The following TMCO4 variants were observed in gnomAD, a reference collection of about 807,000 sequenced individuals.
TMCO4 encodes transmembrane and coiled-coil domain-containing protein 4.
Under a neutral mutation model 64.7 loss-of-function variants are expected in TMCO4, and 58 were observed. That is an observed-to-expected ratio of 0.90 (90% CI 0.73 to 1.12). The LOEUF is 1.12. Ranked by LOEUF, TMCO4 falls within the 50% of genes most tolerant of loss-of-function variation. The pLI is 0.00. For synonymous variants in TMCO4, 325 were observed against 346.1 expected, an observed-to-expected ratio of 0.94 and a Z score of 0.68; for missense variants, 780 against 825.9, an observed-to-expected ratio of 0.94 and a Z score of 0.68.
chr1:19,716,380 T>TC (rs2095356366), intron 13 of TMCO4, among the ~76,000 whole-genome samples: 1 of 137,920 alleles, frequency 7.3e-6, no homozygotes, highest in Non-Finnish European at 1.5e-5. Context: ...CTTTTTTCTT[T>TC]CTTTTTTTTT....
intron 13 of TMCO4, among the ~76,000 whole-genome samples, chr1:19,718,665 A>AG (rs2095367836): frequency 2.1e-5 from 3 of 146,308 alleles, no homozygotes; most frequent in Middle Eastern, 3.4e-3. Flanking sequence ...AAAAAAAAAA[A>AG]AGAGAGAGAG....
chr1:19,691,224 A>G (rs1284233338), intron 15 of TMCO4, among the ~76,000 whole-genome samples: 1 of 152,142 alleles, frequency 6.6e-6, no homozygotes, highest in Non-Finnish European at 1.5e-5. Context: ...GAGCCTAGAA[A>G]TGACTCTTAT....
At chr1:19,737,479 T>G in intron 12 of TMCO4, 23 bp from the exon 13 acceptor site, 1 of 1,612,034 alleles carries the variant, frequency 6.2e-7, no homozygotes, top group Non-Finnish European at 8.5e-7. Flanking sequence ...AGGACACAGG[T>G]GTCTGGAAGG....
intron 13 of TMCO4, among the ~76,000 whole-genome samples, chr1:19,712,188 A>C (rs1004294245): frequency 1.3e-5 from 2 of 152,220 alleles, no homozygotes; most frequent in African/African-American, 4.8e-5. Flanking sequence ...GAGGTGGGGA[A>C]CAGCCAGCTG....
chr1:19,766,957 C>T (rs2042763412), intron 6 of TMCO4, among the ~76,000 whole-genome samples: 1 of 152,182 alleles, frequency 6.6e-6, no homozygotes, highest in Admixed American at 6.5e-5. Context: ...CACCTGCTCC[C>T]ATTGGGTCCC....
chr1:19,777,347 CTT>C (rs35543721), intron 4 of TMCO4, among the ~76,000 whole-genome samples: 2,753 of 129,208 alleles, frequency 0.021, 39 homozygotes, highest in East Asian at 0.061. Context: ...ACCCAAAGGC[CTT>C]TTTTTTTTTT....
In TMCO4 at chr1:19,683,468, C is replaced by T. The variant is rs772846926; in HGVS notation, c.1501-24G>A. ...ACCTGCAGGAGACAGTGAGTGAGCA[C>T]CACCGTGGGTGTGCAGAGCCCAGCC... On this transcript the variant is annotated intron_variant, in intron 15 of 15. Transcript: ENST00000294543. The T allele has an allele frequency of 3.1e-6, 5 of 1,610,144 alleles. No homozygotes were observed. The Admixed American group carries it at 6.7e-5, about 22-fold the overall frequency.
At chr1:19,710,270 ATT>A (rs11310431) in intron 13 of TMCO4, among the ~76,000 whole-genome samples, 47 of 138,448 alleles carry the variant, frequency 3.4e-4, no homozygotes, top group African/African-American at 3.5e-4. Flanking sequence ...CCATGCCCCC[ATT>A]TTTTTTTTTT....
intron 4 of TMCO4, among the ~76,000 whole-genome samples, chr1:19,777,446 C>T (rs1429533594): frequency 2.6e-5 from 4 of 151,122 alleles, no homozygotes; most frequent in Non-Finnish European, 4.4e-5. Context: ...TTCCCAGGTT[C>T]AAGTGATTCT....
chr1:19,794,503 G>T (rs1040176965), intron 2 of TMCO4, among the ~76,000 whole-genome samples: 1 of 152,216 alleles, frequency 6.6e-6, no homozygotes, highest in Non-Finnish European at 1.5e-5. Context: ...AAATGGCAAA[G>T]TTTGTAATAG....
intron 4 of TMCO4, 119 bp downstream of exon 4, chr1:19,780,461 C>A: frequency 7.9e-7 from 1 of 1,263,532 alleles, no homozygotes. Flanking sequence ...GCGTTAGAGG[C>A]AAGGACAATG....
At position 19,694,443 on chromosome 1, in the gene TMCO4, C is replaced by A; in HGVS notation, c.1491G>T (p.Leu497=). 3.7e-6 allele frequency: 6 copies of A among 1,613,840 alleles called. No homozygotes were observed. Among genetic ancestry groups the A allele is most frequent in the Non-Finnish European group, 5.1e-6 (6 of 1,179,774 alleles). Residue 497 remains leucine, a synonymous_variant, in exon 15 of 16, where the codon CTG becomes CTT. Coordinates refer to ENST00000294543, the MANE Select transcript of TMCO4 (RefSeq NM_181719.7). ...ACAGGCCGACACTCACCACAGAGGT[C>A]AGGTCCACGTTCTCCACCCTCCTGT... ...LQDRRVENVD[L]TSVVSGHLDY...
At chr1:19,752,387 T>G (rs948416645) in intron 7 of TMCO4, among the ~76,000 whole-genome samples, 2 of 152,180 alleles carry the variant, frequency 1.3e-5, no homozygotes, top group African/African-American at 4.8e-5. Flanking sequence ...TGAAACCACA[T>G]GCAGATTTGG....
chr1:19,731,811 A>C (rs969744825), intron 13 of TMCO4, among the ~76,000 whole-genome samples: 1 of 152,208 alleles, frequency 6.6e-6, no homozygotes, highest in African/African-American at 2.4e-5. Flanking sequence ...TCCCCAAAGC[A>C]GGGAGGTCAC....
intron 13 of TMCO4, among the ~76,000 whole-genome samples, chr1:19,716,698 G>A (rs1250353109): frequency 6.6e-6 from 1 of 152,044 alleles, no homozygotes; most frequent in Admixed American, 6.6e-5. Context: ...CTGCTCTCTC[G>A]AAAAACAGGG....
chr1:19,780,031 T>C (rs1475824310), intron 4 of TMCO4, among the ~76,000 whole-genome samples: 1 of 152,114 alleles, frequency 6.6e-6, no homozygotes, highest in Non-Finnish European at 1.5e-5. Context: ...AGGGACTGGT[T>C]TCAGGGAAGA....
chr1:19,688,844 G>T (rs542449198), intron 15 of TMCO4, among the ~76,000 whole-genome samples: 56 of 152,336 alleles, frequency 3.7e-4, no homozygotes, highest in African/African-American at 1.3e-3. Flanking sequence ...CAAGCCTTTT[G>T]CTAAGTTCTA....
chr1:19,685,710 C>CTTTTTTTTTTT lies in TMCO4; in HGVS notation c.1501-2277_1501-2267dup, dbSNP rs55783904. ...CTGGGATTTGAATCCAGGCCTGTTT[C>CTTTTTTTTTTT]TTTTTTTTTTTTTTTTTTTTTGAGA... On this transcript the variant is annotated intron_variant, in intron 15 of 15. Transcript: ENST00000294543. 6.2e-4 allele frequency among the ~76,000 whole-genome samples: 66 copies of CTTTTTTTTTTT among 106,596 alleles called. 5 individuals carry two copies. The highest frequency in any genetic ancestry group is 1.1e-3 in the Admixed American group (9 of 8,350). 69.9% of individuals were successfully genotyped at this position (106,596 alleles called of 152,430 possible).
In TMCO4 at chr1:19,734,603, TG is replaced by T. The variant is rs1180719297; in HGVS notation, c.1264+2768del. On this transcript the variant is annotated intron_variant, in intron 13 of 15. Coordinates refer to ENST00000294543, the MANE Select transcript of TMCO4 (RefSeq NM_181719.7). The surrounding 1 kb of genome is among the most constrained non-coding windows in gnomAD (Gnocchi z 4.4). ...TATTAGCATTTCCCACCAACCCACC[TG>T]GGGGGCCTCTTACGTGGGCTGCAGA... Among the ~76,000 whole-genome samples, 1 of 151,996 alleles carries T rather than the reference TG, an allele frequency of 6.6e-6. No homozygotes were observed. The highest frequency in any genetic ancestry group is 1.9e-4 in the East Asian group (1 of 5,150).
Sources: gnomAD v4.1 joint callset for allele counts (sites outside exome capture counted in the v4.1 genomes callset) on GRCh38, gnomAD v4.1.1 for gene constraint, Gnocchi (gnomAD v3.1) non-coding constraint, MANE v1.5 for transcripts, NCBI Gene and HGNC (gene_info 2026-07-23, HGNC 2026-07-21) for gene names.